The following CSMD1 variants were observed in gnomAD, a reference collection of about 807,000 sequenced individuals.
CSMD1 encodes the protein CUB and Sushi multiple domains 1.
A neutral mutation model predicts 417.5 loss-of-function variants in CSMD1; 213 were observed. The ratio of observed to expected loss-of-function variants is 0.51; its 90% CI spans 0.46 to 0.57. The LOEUF (loss-of-function observed/expected upper bound fraction) is 0.57. Among genes scored for constraint, CSMD1 ranks in the 20% least tolerant of loss-of-function variants. The probability of loss-of-function intolerance (pLI) is 0.00; values close to 1 mark genes in which losing one functional copy is unlikely to be tolerated. For synonymous variants in CSMD1, 2,862 were observed against 1,736.8 expected, an observed-to-expected ratio of 1.65 and a Z score of -16.11; for missense variants, 6,923 against 4,529.7, an observed-to-expected ratio of 1.53 and a Z score of -15.17.
chr8:2,963,488 C>G lies in CSMD1; in HGVS notation c.9281-93G>C, dbSNP rs180812042. 8.0e-4 allele frequency: 1,010 copies of G among 1,255,192 alleles called. 1 individual carries two copies. The highest frequency in any genetic ancestry group is 1.1e-3 in the Non-Finnish European group (957 of 877,584). 77.8% of individuals were successfully genotyped at this position (1,255,192 alleles called of 1,614,324 possible). On this transcript the variant is annotated intron_variant, in intron 59 of 69. Transcript: ENST00000635120. ...TCCCATTTTAATTTTACCTGAATTA[C>G]AAATGACATCTACATAGGTTTTTAA...
intron 1 of CSMD1, among the ~76,000 whole-genome samples, chr8:4,847,591 G>C (rs6558924): frequency 6.6e-6 from 1 of 151,930 alleles, no homozygotes; most frequent in Non-Finnish European, 1.5e-5. Context: ...ATTCTTTTCA[G>C]TTTTGCCTAA....
intron 1 of CSMD1, among the ~76,000 whole-genome samples, chr8:4,967,384 C>T (rs1476885629): frequency 1.3e-5 from 2 of 152,030 alleles, no homozygotes; most frequent in Non-Finnish European, 2.9e-5. Context: ...CATGATAAAG[C>T]CATTTTGCCT....
At chr8:3,319,173 A>T (rs1805980777) in intron 23 of CSMD1, among the ~76,000 whole-genome samples, 1 of 152,210 alleles carries the variant, frequency 6.6e-6, no homozygotes. Context: ...ATCTAGGAAT[A>T]AATGGTCAAA....
intron 3 of CSMD1, among the ~76,000 whole-genome samples, chr8:4,197,529 G>A (rs1799409189): frequency 1.3e-5 from 2 of 152,288 alleles, no homozygotes; most frequent in Admixed American, 6.5e-5. Flanking sequence ...TCCCTTGCCT[G>A]ATGGTCTTCC....
chr8:3,756,226 G>T (rs1030418017), intron 5 of CSMD1, among the ~76,000 whole-genome samples: 1 of 151,722 alleles, frequency 6.6e-6, no homozygotes, highest in Non-Finnish European at 1.5e-5. Flanking sequence ...GGTGGCGGGC[G>T]CCTGTAGTCC....
intron 11 of CSMD1, among the ~76,000 whole-genome samples, chr8:3,481,827 C>G (rs903441684): frequency 6.6e-6 from 1 of 152,188 alleles, no homozygotes; most frequent in South Asian, 2.1e-4. Context: ...GGAGTGATTA[C>G]AGCTCTGCCC....
At chr8:3,446,346 T>C (rs73660010) in intron 12 of CSMD1, among the ~76,000 whole-genome samples, 5,012 of 152,322 alleles carry the variant, frequency 0.033, 268 homozygotes, top group African/African-American at 0.11. Context: ...CAAATTTACA[T>C]AGACTGTTTG....
chr8:3,764,537 G>A (rs6558821), intron 5 of CSMD1, among the ~76,000 whole-genome samples: 147,351 of 152,138 alleles, frequency 0.97, 71,514 homozygotes, highest in East Asian at 1. Context: ...GACATCACCA[G>A]GTGGGGAGTA....
intron 3 of CSMD1, among the ~76,000 whole-genome samples, chr8:4,151,921 G>C (rs35095223): frequency 0.21 from 32,474 of 152,086 alleles, 3,586 homozygotes; most frequent in South Asian, 0.35. Context: ...TCTATCAGCA[G>C]AGATAAGTTT....
chr8:4,392,917 G>A (rs531437634), intron 3 of CSMD1, among the ~76,000 whole-genome samples: 26 of 151,978 alleles, frequency 1.7e-4, no homozygotes, highest in South Asian at 1.2e-3. Flanking sequence ...TGCAGTGAGC[G>A]GAGATCCTGC....
At chr8:4,148,792 T>C (rs1367603406) in intron 3 of CSMD1, among the ~76,000 whole-genome samples, 1 of 152,066 alleles carries the variant, frequency 6.6e-6, no homozygotes, top group East Asian at 1.9e-4. Flanking sequence ...TTTCAACAGG[T>C]GCATTGGGAA....
chr8:4,696,791 T>C (rs1031481586), intron 1 of CSMD1, among the ~76,000 whole-genome samples: 6 of 152,210 alleles, frequency 3.9e-5, no homozygotes, highest in African/African-American at 1.4e-4. Context: ...TCAGTGAATG[T>C]ATGTTTACAC....
At chr8:4,861,356 G>T (rs1802119384) in intron 1 of CSMD1, among the ~76,000 whole-genome samples, 1 of 152,040 alleles carries the variant, frequency 6.6e-6, no homozygotes, top group African/African-American at 2.4e-5. Flanking sequence ...AGGCTTTATG[G>T]GTTCAATAGT....
intron 3 of CSMD1, among the ~76,000 whole-genome samples, chr8:4,188,082 G>C (rs1468965840): frequency 3.9e-5 from 6 of 152,024 alleles, no homozygotes; most frequent in Non-Finnish European, 7.4e-5. Context: ...ATAGAAAAGT[G>C]ACTGCTGGCA....
chr8:3,308,477 G>A lies in CSMD1; in HGVS notation c.3658C>T (p.Pro1220Ser), dbSNP rs1805064661. 1 of 1,613,068 alleles carries A rather than the reference G, an allele frequency of 6.2e-7. No homozygotes were observed. The highest frequency in any genetic ancestry group is 8.5e-7 in the Non-Finnish European group (1 of 1,179,344). ...CTATAGCCGTAGTTAGGGATGCCCG[G>A]ATCCTCACATTTTACCAGATCAAAA... ...TSFDLVKCEDPGIPNYGYRIR... is the reference protein window; with the variant it reads ...TSFDLVKCEDSGIPNYGYRIR... The change falls in exon 24 of 70, where the codon CCG becomes TCG. Residue 1220 changes from proline to serine, a missense_variant. Physicochemically the swap from Pro to Ser is moderately conservative, Grantham distance 74. Transcript: ENST00000635120.
chr8:2,985,776 T>C (rs1169734368), intron 54 of CSMD1, among the ~76,000 whole-genome samples: 1 of 152,162 alleles, frequency 6.6e-6, no homozygotes, highest in African/African-American at 2.4e-5. Flanking sequence ...TAACAATAGC[T>C]GCCCGGAGCA....
chr8:3,866,337 AT>A (rs949759556), intron 5 of CSMD1, among the ~76,000 whole-genome samples: 6 of 152,188 alleles, frequency 3.9e-5, no homozygotes, highest in African/African-American at 1.2e-4. Flanking sequence ...GGGGATTGGC[AT>A]TTCTGTCCTT....
chr8:3,491,818 G>C (rs935657587), intron 11 of CSMD1, among the ~76,000 whole-genome samples: 1 of 152,230 alleles, frequency 6.6e-6, no homozygotes, highest in Non-Finnish European at 1.5e-5. Context: ...CAAATGAAGA[G>C]TGTTAGGGAA....
chr8:3,468,493 A>G (rs1252265918), intron 12 of CSMD1, among the ~76,000 whole-genome samples: 1 of 152,196 alleles, frequency 6.6e-6, no homozygotes, highest in South Asian at 2.1e-4. Flanking sequence ...ATTTTGGGAT[A>G]ATCAGAGCAC....
Sources: allele counts gnomAD v4.1 joint callset (sites outside exome capture counted in the v4.1 genomes callset), GRCh38; gene constraint gnomAD v4.1.1; transcripts MANE v1.5; gene names NCBI Gene and HGNC (gene_info 2026-07-23, HGNC 2026-07-21).